The following CTNND2 variants were observed in gnomAD, a reference collection of about 807,000 sequenced individuals.
CTNND2 encodes catenin delta-2.
Under a neutral mutation model 144.4 loss-of-function variants are expected in CTNND2, and 22 were observed. The ratio of observed to expected loss-of-function variants is 0.15; its 90% CI spans 0.11 to 0.22. The LOEUF (loss-of-function observed/expected upper bound fraction) is 0.22. Ranked by LOEUF, CTNND2 falls within the 10% of genes least tolerant of loss-of-function variation. The pLI is 1.00. For missense variants in CTNND2, 1,353 were observed against 1,618.8 expected (o/e 0.84, Z 2.82); for synonymous variants, 751 against 695.6 (o/e 1.08, Z -1.25).
chr5:11,182,221 GTGTGT>G (rs1379243586), intron 11 of CTNND2, among the ~76,000 whole-genome samples: 5 of 150,910 alleles, frequency 3.3e-5, no homozygotes, highest in African/African-American at 1.2e-4. Flanking sequence ...TGTGTAGTGT[GTGTGT>G]GGTATATGTG....
intron 14 of CTNND2, among the ~76,000 whole-genome samples, chr5:11,099,634 T>C (rs969584991): frequency 6.6e-6 from 1 of 152,158 alleles, no homozygotes; most frequent in African/African-American, 2.4e-5. Context: ...ACTAATACAA[T>C]GTCTTTTTTT....
At chr5:11,602,747 TATAATAGATATATTA>T (rs1779865794) in intron 2 of CTNND2, among the ~76,000 whole-genome samples, 1 of 146,094 alleles carries the variant, frequency 6.8e-6, no homozygotes, top group African/African-American at 2.5e-5. Flanking sequence ...AAATATTATA[TATAATAGATATATTA>T]TTAATAGATA....
At chr5:11,558,206 C>A (rs17220011) in intron 3 of CTNND2, among the ~76,000 whole-genome samples, 1,531 of 152,274 alleles carry the variant, frequency 0.01, 10 homozygotes, top group Non-Finnish European at 0.015. Flanking sequence ...GGAAAAGTTC[C>A]ATGGCAGGTA....
intron 1 of CTNND2, among the ~76,000 whole-genome samples, chr5:11,768,943 A>G (rs974970558): frequency 5.9e-5 from 9 of 152,096 alleles, no homozygotes; most frequent in African/African-American, 1.9e-4. Context: ...AGTTAACATA[A>G]TCCAGCCCAT....
At chr5:11,664,914 T>C (rs1046790004) in intron 2 of CTNND2, among the ~76,000 whole-genome samples, 5 of 152,200 alleles carry the variant, frequency 3.3e-5, no homozygotes, top group African/African-American at 1.2e-4. Flanking sequence ...ATTAATTGTA[T>C]TGTGAAATCA....
rs967548101 is a variant in CTNND2 at position 11,699,055 on chromosome 5, A to C, written c.174+33081T>G. Among the ~76,000 whole-genome samples the C allele has an allele frequency of 3.1e-4, 47 of 151,510 alleles. 1 individual carries two copies. The highest frequency in any genetic ancestry group is 1.1e-3 in the African/African-American group (45 of 41,388). ...ATATATATATATCATATGTTCCCCC[A>C]CACACACATAGTTAGATTTAATCTA... On this transcript the variant is annotated intron_variant, in intron 2 of 21. Coordinates refer to ENST00000304623, the MANE Select transcript of CTNND2 (RefSeq NM_001332.4).
In CTNND2 at chr5:11,304,169, C is replaced by A. The variant is rs148141332; in HGVS notation, c.1628+42203G>T. 6.6e-5 allele frequency among the ~76,000 whole-genome samples: 10 copies of A among 152,012 alleles called. No homozygotes were observed. In the East Asian group the frequency reaches 1.7e-3, roughly 26 times the overall value. ...ATGAAGGGTATGTCTTTATCAGCAG[C>A]ATGAAAACAGACTAATACAAATGCT... On this transcript the variant is annotated intron_variant, in intron 9 of 21. Coordinates refer to ENST00000304623, the MANE Select transcript of CTNND2 (RefSeq NM_001332.4).
intron 2 of CTNND2, among the ~76,000 whole-genome samples, chr5:11,647,976 C>T (rs1183876785): frequency 6.6e-6 from 1 of 152,152 alleles, no homozygotes; most frequent in African/African-American, 2.4e-5. Context: ...GCTTGCTTGG[C>T]TAAATCTTAC....
At chr5:11,846,138 T>A (rs1402739763) in intron 1 of CTNND2, among the ~76,000 whole-genome samples, 5 of 152,112 alleles carry the variant, frequency 3.3e-5, no homozygotes, top group African/African-American at 1.2e-4. Flanking sequence ...GAAATAGGTA[T>A]AAAAAGAAAT....
intron 9 of CTNND2, among the ~76,000 whole-genome samples, chr5:11,331,308 A>G (rs1753120437): frequency 6.6e-6 from 1 of 152,068 alleles, no homozygotes; most frequent in Admixed American, 6.5e-5. Flanking sequence ...AGCATTTTTG[A>G]GGTATGAGTT....
At chr5:11,159,892 T>G in intron 11 of CTNND2, 133 bp from the exon 12 acceptor site, 1 of 630,028 alleles carries the variant, frequency 1.6e-6, no homozygotes, top group Non-Finnish European at 2.6e-6. Context: ...CTAGAGTGTG[T>G]CCTTAATTTT....
At chr5:11,766,550 T>C (rs1789598762) in intron 1 of CTNND2, among the ~76,000 whole-genome samples, 1 of 152,248 alleles carries the variant, frequency 6.6e-6, no homozygotes, top group Admixed American at 6.5e-5. Flanking sequence ...TCTGCCGTGA[T>C]TGTGAGGCTT....
At chr5:11,415,033 C>T (rs1174002149) in intron 3 of CTNND2, among the ~76,000 whole-genome samples, 1 of 152,166 alleles carries the variant, frequency 6.6e-6, no homozygotes, top group Non-Finnish European at 1.5e-5. Flanking sequence ...CATGTCTTTG[C>T]TATTGTAAAT....
At chr5:11,147,514 C>T (rs779720061) in intron 12 of CTNND2, among the ~76,000 whole-genome samples, 9 of 152,228 alleles carry the variant, frequency 5.9e-5, no homozygotes, top group Non-Finnish European at 1.0e-4. Flanking sequence ...CTTGCAGGCC[C>T]AGGCCAGCTA....
chr5:11,868,049 C>A (rs960599366), intron 1 of CTNND2, among the ~76,000 whole-genome samples: 1 of 151,818 alleles, frequency 6.6e-6, no homozygotes, highest in African/African-American at 2.4e-5. Flanking sequence ...ACAGAGTCCC[C>A]AGGTGGAGTA....
intron 15 of CTNND2, among the ~76,000 whole-genome samples, chr5:11,087,980 G>A (rs1750354451): frequency 6.6e-6 from 1 of 152,194 alleles, no homozygotes; most frequent in South Asian, 2.1e-4. Flanking sequence ...GAGATTGGAA[G>A]AAGCATACTC....
chr5:11,173,759 T>C (rs1439932874), intron 11 of CTNND2, among the ~76,000 whole-genome samples: 1 of 152,178 alleles, frequency 6.6e-6, no homozygotes, highest in Non-Finnish European at 1.5e-5. Flanking sequence ...TAAGATGAAA[T>C]TCCCATAACA....
chr5:11,817,569 G>A (rs554201400), intron 1 of CTNND2, among the ~76,000 whole-genome samples: 2 of 151,972 alleles, frequency 1.3e-5, no homozygotes, highest in African/African-American at 2.4e-5. Context: ...GGTAGTGAAG[G>A]GGGGAAGCGG....
chr5:11,017,563 C>CATAT (rs56181554), intron 18 of CTNND2, among the ~76,000 whole-genome samples: 3,115 of 142,754 alleles, frequency 0.022, 77 homozygotes, highest in Non-Finnish European at 0.028. Context: ...GATATATATA[C>CATAT]ATATATATAT....
Sources: allele counts gnomAD v4.1 joint callset (sites outside exome capture counted in the v4.1 genomes callset), GRCh38; gene constraint gnomAD v4.1.1; transcripts MANE v1.5; gene names NCBI Gene and HGNC (gene_info 2026-07-23, HGNC 2026-07-21).